The following XIAP variants were observed in gnomAD, a reference collection of about 807,000 sequenced individuals.
XIAP encodes the protein X-linked inhibitor of apoptosis.
A neutral mutation model predicts 33.1 loss-of-function variants in XIAP; 3 were observed. The ratio of observed to expected loss-of-function variants is 0.09; its 90% confidence interval spans 0.04 to 0.23. The LOEUF is 0.23. Among genes scored for constraint, XIAP ranks in the 10% least tolerant of loss-of-function variants. The pLI is 1.00. For synonymous variants in XIAP, 98 were observed against 121.3 expected (o/e 0.81, Z 1.26); for missense variants, 264 against 363.0 (o/e 0.73, Z 2.22).
chrX:123,863,941 T>C (rs992346351), intron 1 of XIAP, among the ~76,000 whole-genome samples: 2 of 112,016 alleles, frequency 1.8e-5, no homozygotes, highest in African/African-American at 6.5e-5. Flanking sequence ...TGCTTTCTAG[T>C]GCATTGGATG....
rs1209696344 is a variant in XIAP at position 123,909,184 on chromosome X, A to G, written c.*2003A>G. 3.6e-6 allele frequency: 1 copy of G among 275,271 alleles called. No individual in the cohort carries two copies. Among genetic ancestry groups the G allele is most frequent in the Non-Finnish European group, 6.8e-6 (1 of 147,144 alleles). 22.7% of individuals were successfully genotyped at this position (275,271 alleles called of 1,213,427 possible). The stretch of plus-strand genomic sequence containing the variant: ...GCTGGAATTACAGGCAGGTGCCACC[A>G]TGCCCGACTAATTTTTTTTTATTTT... On this transcript the variant is annotated 3_prime_UTR_variant, in exon 7 of 7. Coordinates refer to ENST00000371199, the MANE Select transcript of XIAP (RefSeq NM_001167.4).
intron 5 of XIAP, among the ~76,000 whole-genome samples, chrX:123,897,558 G>C (rs2053472300): frequency 9.0e-6 from 1 of 110,651 alleles, no homozygotes; most frequent in Non-Finnish European, 1.9e-5. Context: ...AAAGTGTCTG[G>C]AAAGACTTTT....
At position 123,886,464 on chromosome X, in the gene XIAP, C is replaced by T. The variant is rs2148090224; in HGVS notation, c.802C>T (p.Arg268Trp). 1.7e-6 allele frequency: 2 copies of T among 1,208,751 alleles called. No individual in the cohort carries two copies. The highest frequency in any genetic ancestry group is 1.7e-5 in the African/African-American group (1 of 57,732). The change falls in exon 2 of 7, where the codon CGG becomes TGG. Residue 268 changes from arginine (R) to tryptophan (W), a missense_variant. Coordinates refer to ENST00000371199, the MANE Select transcript of XIAP (RefSeq NM_001167.4). ...RNPSMADYEA[R>W]IFTFGTWIYS... ...TCCATCCATGGCAGATTATGAAGCACGGATCTTTACTTTTGGGACATGGAT... is the reference window on the plus strand; with the variant it reads ...TCCATCCATGGCAGATTATGAAGCATGGATCTTTACTTTTGGGACATGGAT...
At chrX:123,905,470 C>G (rs752621203) in intron 6 of XIAP, among the ~76,000 whole-genome samples, 62 of 111,660 alleles carry the variant, frequency 5.6e-4, no homozygotes, top group Non-Finnish European at 9.4e-4. Flanking sequence ...GTATAATTTC[C>G]TCCAGGAGGC....
intron 6 of XIAP, among the ~76,000 whole-genome samples, chrX:123,903,957 A>T (rs1421144661): frequency 7.3e-5 from 8 of 110,173 alleles, no homozygotes; most frequent in Non-Finnish European, 1.5e-4. Flanking sequence ...TATCTTTAAA[A>T]AATAATAATA....
intron 1 of XIAP, among the ~76,000 whole-genome samples, chrX:123,875,688 GA>G (rs1350241080): frequency 9.8e-5 from 9 of 91,682 alleles, no homozygotes; most frequent in Non-Finnish European, 1.5e-4. Context: ...TTTTCTTATA[GA>G]TTTTTTTTTT....
At chrX:123,878,876 G>C (rs1276177815) in intron 1 of XIAP, 1 of 113,293 alleles carries the variant, frequency 8.8e-6, no homozygotes, top group Non-Finnish European at 1.9e-5. Context: ...CTGTGGTTAG[G>C]CAAGAAGGCT....
chrX:123,893,760 G>C (rs928882332), intron 5 of XIAP, among the ~76,000 whole-genome samples: 2 of 111,784 alleles, frequency 1.8e-5, no homozygotes, highest in Admixed American at 9.6e-5. Flanking sequence ...AGAATCGCTT[G>C]AACCTGGGCA....
intron 1 of XIAP, among the ~76,000 whole-genome samples, chrX:123,883,330 C>T (rs1054478273): frequency 5.4e-5 from 6 of 110,953 alleles, no homozygotes; most frequent in Non-Finnish European, 7.6e-5. Context: ...GTTATCCGGC[C>T]ACCTTGGCCT....
intron 1 of XIAP, among the ~76,000 whole-genome samples, chrX:123,870,015 A>G (rs986470330): frequency 8.9e-6 from 1 of 112,375 alleles, no homozygotes; most frequent in African/African-American, 3.2e-5. Flanking sequence ...GCTGGAGTGC[A>G]GTGGCGCAAT....
chrX:123,902,748 T>C (rs2053524730), intron 6 of XIAP, among the ~76,000 whole-genome samples: 2 of 112,231 alleles, frequency 1.8e-5, no homozygotes, highest in Non-Finnish European at 3.8e-5. Context: ...GTATATAATA[T>C]AAAAATCAAA....
rs1436107945 is a variant in XIAP at position 123,888,605 on chromosome X, G to A, written c.878-14G>A. ...TAATTGCACAAATACATATATTCCT[G>A]TGTGTTTTCGTAGGTGAAGGTGATA... is the stretch of plus-strand genomic sequence containing the variant. On this transcript the variant is annotated splice_polypyrimidine_tract_variant and intron_variant, in intron 2 of 6. Coordinates refer to ENST00000371199, the MANE Select transcript of XIAP (RefSeq NM_001167.4). 8.4e-7 allele frequency: 1 copy of A among 1,192,878 alleles called. No individual in the cohort carries two copies. Among genetic ancestry groups the A allele is most frequent in the Non-Finnish European group, 1.1e-6 (1 of 878,685 alleles).
chrX:123,903,648 T>G (rs2053535601), intron 6 of XIAP, among the ~76,000 whole-genome samples: 1 of 101,795 alleles, frequency 9.8e-6, no homozygotes, highest in African/African-American at 3.6e-5. Context: ...TTTTTGTTTT[T>G]TTTAGATTTT....
At chrX:123,863,398 C>T (rs2053099162) in intron 1 of XIAP, among the ~76,000 whole-genome samples, 1 of 110,762 alleles carries the variant, frequency 9.0e-6, no homozygotes, top group Non-Finnish European at 1.9e-5. Context: ...TTGCCGTGAG[C>T]TGAGAACGCA....
chrX:123,873,505 T>C (rs1326161515), intron 1 of XIAP, among the ~76,000 whole-genome samples: 1 of 105,163 alleles, frequency 9.5e-6, no homozygotes, highest in African/African-American at 3.4e-5. Context: ...AACCTGATGA[T>C]CGCCAGGCAC....
chrX:123,900,364 C>A (rs2053504126), intron 5 of XIAP, 129 bp from the exon 6 acceptor site: 2 of 580,892 alleles, frequency 3.4e-6, no homozygotes, highest in South Asian at 6.1e-5. Flanking sequence ...CTTTGCTTTG[C>A]TGGTTTGTTT....
chrX:123,871,654 G>T (rs200212117), intron 1 of XIAP, among the ~76,000 whole-genome samples: 29 of 109,222 alleles, frequency 2.7e-4, no homozygotes, highest in East Asian at 2.0e-3. Context: ...GTTTTTTGGG[G>T]TTTTTTTTGT....
chrX:123,880,125 C>T (rs1346610627), intron 1 of XIAP, among the ~76,000 whole-genome samples: 1 of 100,162 alleles, frequency 1.0e-5, no homozygotes, highest in East Asian at 3.4e-4. Context: ...AAAAAGAAAA[C>T]CTTAAGGCTG....
intron 5 of XIAP, among the ~76,000 whole-genome samples, chrX:123,898,565 C>T (rs1389714789): frequency 1.8e-5 from 2 of 109,023 alleles, no homozygotes; most frequent in Non-Finnish European, 3.8e-5. Context: ...TTTGCAGAGA[C>T]GGGGTTTTGA....
Sources: gnomAD v4.1 joint callset for allele counts (sites outside exome capture counted in the v4.1 genomes callset) on GRCh38, gnomAD v4.1.1 for gene constraint, MANE v1.5 for transcripts, NCBI Gene and HGNC (gene_info 2026-07-23, HGNC 2026-07-21) for gene names.